COPS3: variants seen among roughly 807,000 people sequenced by gnomAD.
COPS3 encodes COP9 signalosome subunit 3, also known as COP9 signalosome complex subunit 3.
Under a neutral mutation model 58.2 loss-of-function variants are expected in COPS3, and 10 were observed. That is an observed-to-expected ratio of 0.17 (90% CI 0.11 to 0.29). The LOEUF (loss-of-function observed/expected upper bound fraction) is 0.29. Among genes scored for constraint, COPS3 ranks in the 10% least tolerant of loss-of-function variants. The pLI is 1.00. For missense variants in COPS3, 333 were observed against 510.1 expected (o/e 0.65, Z 3.34); for synonymous variants, 187 against 181.7 (o/e 1.03, Z -0.24).
At chr17:17,252,396 CTGGGT>C (rs1287533469) in intron 9 of COPS3, among the ~76,000 whole-genome samples, 1 of 148,020 alleles carries the variant, frequency 6.8e-6, no homozygotes, top group Non-Finnish European at 1.5e-5. Flanking sequence ...GTGGGCTGTC[CTGGGT>C]ACAGATAACG....
chr17:17,273,973 C>T (rs915201016), intron 2 of COPS3, among the ~76,000 whole-genome samples: 4 of 152,312 alleles, frequency 2.6e-5, no homozygotes, highest in African/African-American at 9.6e-5. Flanking sequence ...GCTATGCTTG[C>T]ACCACTGCAC....
chr17:17,257,725 A>T (rs1240026717), intron 8 of COPS3, among the ~76,000 whole-genome samples: 6 of 148,116 alleles, frequency 4.1e-5, no homozygotes, highest in Non-Finnish European at 7.4e-5. Context: ...TGAACCCGGG[A>T]GGTGGAGCTT....
chr17:17,260,567 G>A, intron 7 of COPS3, 93 bp from the exon 8 acceptor site: 1 of 1,245,058 alleles, frequency 8.0e-7, no homozygotes. Flanking sequence ...ACTTTGGGAG[G>A]CCGAGGCGGA....
chr17:17,263,860 A>G (rs2048165386), intron 6 of COPS3, among the ~76,000 whole-genome samples: 1 of 152,228 alleles, frequency 6.6e-6, no homozygotes, highest in South Asian at 2.1e-4. Flanking sequence ...TTCAAGATCA[A>G]GTTTGCTCAT....
Position 17,270,989 on chromosome 17 carries a change from G to T in COPS3, c.205C>A (p.Pro69Thr), listed in dbSNP as rs2048328896. The T allele has an allele frequency of 6.2e-7, 1 of 1,613,588 alleles. No homozygotes were observed. The highest frequency in any genetic ancestry group is 1.3e-5 in the African/African-American group (1 of 74,878). ...AGCGTTTCGAAGTCAGGAACACTGG[G>T]CATAGAAAACTTCACAAACCTAGAA... is the stretch of plus-strand genomic sequence containing the variant. ...LAVLFVKFSM[P>T]SVPDFETLFS... The change falls in exon 3 of 12, where the codon CCC (proline) becomes ACC (threonine). Residue 69 changes from proline to threonine, a missense_variant. Physicochemically the swap from Pro to Thr is conservative, Grantham distance 38. Coordinates refer to ENST00000268717, the MANE Select transcript of COPS3 (RefSeq NM_003653.4).
At chr17:17,272,976 G>C (rs1460522803) in intron 2 of COPS3, among the ~76,000 whole-genome samples, 1 of 152,134 alleles carries the variant, frequency 6.6e-6, no homozygotes, top group Non-Finnish European at 1.5e-5. Context: ...AGCTATTTAA[G>C]ACCAAATTAA....
chr17:17,271,895 AAAT>A (rs1202810716), intron 2 of COPS3, among the ~76,000 whole-genome samples: 5 of 101,502 alleles, frequency 4.9e-5, no homozygotes, highest in African/African-American at 1.1e-4. Flanking sequence ...AATATATATT[AAAT>A]AATAAACATG....
chr17:17,251,516 T>C (rs1435824634), intron 9 of COPS3, among the ~76,000 whole-genome samples: 1 of 151,930 alleles, frequency 6.6e-6, no homozygotes, highest in Non-Finnish European at 1.5e-5. Context: ...CAGGCTGGTC[T>C]TGAACTCCTG....
intron 9 of COPS3, among the ~76,000 whole-genome samples, chr17:17,249,578 C>T (rs796086393): frequency 3.3e-5 from 5 of 152,142 alleles, no homozygotes; most frequent in South Asian, 2.1e-4. Context: ...CTGCAACCTC[C>T]GCCTCCTGAG....
chr17:17,280,517 G>C, intron 1 of COPS3: 3 of 1,199,846 alleles, frequency 2.5e-6, no homozygotes, highest in Non-Finnish European at 3.2e-6. Context: ...CCGAGATCGC[G>C]CCACTGCACT....
In COPS3 at chr17:17,264,737, C is replaced by T; in HGVS notation, c.621+65G>A. On this transcript the variant is annotated intron_variant, in intron 6 of 11. Coordinates refer to ENST00000268717, the MANE Select transcript of COPS3 (RefSeq NM_003653.4). ...GGATCAGACCACTCTAGCCACAAAC[C>T]TATGGGAGCACTTTTTTGATCACAC... 6.4e-6 allele frequency: 9 copies of T among 1,415,172 alleles called. No homozygotes were observed. The South Asian group carries it at 1.2e-4, about 19-fold the overall frequency. The allele number at this position is 1,415,172 out of a possible 1,614,324, so 87.7% of individuals were successfully genotyped here.
At chr17:17,268,111 C>A in intron 4 of COPS3, 134 bp from the exon 5 acceptor site, 1 of 1,245,700 alleles carries the variant, frequency 8.0e-7, no homozygotes, top group South Asian at 2.6e-5. Flanking sequence ...TTTCCATACT[C>A]TTTCAGGAAA....
At chr17:17,263,161 A>G (rs2048141899) in intron 6 of COPS3, among the ~76,000 whole-genome samples, 1 of 151,324 alleles carries the variant, frequency 6.6e-6, no homozygotes, top group Admixed American at 6.6e-5. Context: ...GGTGGCAGGC[A>G]CCTGTAGTTC....
At chr17:17,271,103 T>C in intron 2 of COPS3, 95 bp from the exon 3 acceptor site, 1 of 848,540 alleles carries the variant, frequency 1.2e-6, no homozygotes, top group Non-Finnish European at 1.9e-6. Flanking sequence ...CCTCCAATAC[T>C]CTGTAAAATT....
chr17:17,276,802 C>G (rs555304780), intron 1 of COPS3, among the ~76,000 whole-genome samples: 1 of 152,044 alleles, frequency 6.6e-6, no homozygotes, highest in Non-Finnish European at 1.5e-5. Context: ...GAACTCCTGA[C>G]CTCATGATCC....
chr17:17,256,785 C>CGA (rs2047985390), intron 8 of COPS3, among the ~76,000 whole-genome samples: 1 of 152,036 alleles, frequency 6.6e-6, no homozygotes, highest in African/African-American at 2.4e-5. Context: ...GAGATGAGAT[C>CGA]TTACTTAGTT....
chr17:17,274,502 G>GC (rs1424008213), intron 2 of COPS3, among the ~76,000 whole-genome samples: 1 of 150,216 alleles, frequency 6.7e-6, no homozygotes, highest in African/African-American at 2.5e-5. Context: ...TCAGCTCACT[G>GC]CAACCTCCGC....
At position 17,247,687 on chromosome 17, in the gene COPS3, A is replaced by G. The variant is rs1243586457; in HGVS notation, c.1138-127T>C. ...CTTGATGTGAAACCCCTGGGGCCAC[A>G]TGGGTTTTGGAGCCAGAGTATTTTG... is the stretch of plus-strand genomic sequence containing the variant. On this transcript the variant is annotated intron_variant, in intron 10 of 11. Coordinates refer to ENST00000268717, the MANE Select transcript of COPS3 (RefSeq NM_003653.4). 4 of 865,016 alleles carry G rather than the reference A, an allele frequency of 4.6e-6. No homozygotes were observed. In the African/African-American group the frequency reaches 6.7e-5, roughly 14 times the overall value. 53.6% of individuals were successfully genotyped at this position (865,016 alleles called of 1,614,324 possible). A position where few individuals can be genotyped will look rare whatever the true frequency, so the allele number is the denominator to read the frequency against.
At chr17:17,252,098 T>C (rs2047859718) in intron 9 of COPS3, among the ~76,000 whole-genome samples, 1 of 151,950 alleles carries the variant, frequency 6.6e-6, no homozygotes, top group African/African-American at 2.4e-5. Flanking sequence ...GGGAACAACC[T>C]TTCTAGAGAG....
Sources: gnomAD v4.1 joint callset for allele counts (sites outside exome capture counted in the v4.1 genomes callset) on GRCh38, gnomAD v4.1.1 for gene constraint, MANE v1.5 for transcripts, NCBI Gene and HGNC (gene_info 2026-07-23, HGNC 2026-07-21) for gene names.